CAMTA1: variants seen among roughly 807,000 people sequenced by gnomAD.
CAMTA1 encodes calmodulin binding transcription activator 1.
In CAMTA1, 27 loss-of-function variants were observed where a neutral mutation model predicts 170.9. The ratio of observed to expected loss-of-function variants is 0.16; its 90% CI spans 0.12 to 0.22. The LOEUF (loss-of-function observed/expected upper bound fraction) is 0.22, where lower values mean the gene tolerates loss of function less well. CAMTA1 is among the 10% of genes least tolerant of loss of function. CAMTA1 has a pLI of 1.00. For missense variants in CAMTA1, 1,619 were observed against 2,217.2 expected (o/e 0.73, Z 5.42); for synonymous variants, 833 against 891.5 (o/e 0.93, Z 1.17).
At chr1:7,266,261 C>T (rs1668912316) in intron 5 of CAMTA1, among the ~76,000 whole-genome samples, 1 of 152,154 alleles carries the variant, frequency 6.6e-6, no homozygotes, top group Non-Finnish European at 1.5e-5. Flanking sequence ...TGGCCATGTG[C>T]CAGGGTGCCT....
intron 6 of CAMTA1, among the ~76,000 whole-genome samples, chr1:7,637,699 C>T (rs2095724386): frequency 6.6e-6 from 1 of 152,202 alleles, no homozygotes; most frequent in Non-Finnish European, 1.5e-5. Flanking sequence ...CAGCTTCCAG[C>T]TCAGGCTGTG....
chr1:7,451,150 G>C (rs1172823332), intron 5 of CAMTA1, among the ~76,000 whole-genome samples: 1 of 152,170 alleles, frequency 6.6e-6, no homozygotes, highest in African/African-American at 2.4e-5. Context: ...TTAAAGCACT[G>C]AGCCAGCCCC....
chr1:7,017,006 C>T (rs1373140858), intron 3 of CAMTA1, among the ~76,000 whole-genome samples: 1 of 152,192 alleles, frequency 6.6e-6, no homozygotes, highest in Non-Finnish European at 1.5e-5. Context: ...TAAGTATTTC[C>T]CTGGCCATGT....
intron 3 of CAMTA1, among the ~76,000 whole-genome samples, chr1:7,016,037 T>A (rs1700483285): frequency 6.6e-6 from 1 of 152,192 alleles, no homozygotes; most frequent in Non-Finnish European, 1.5e-5. Context: ...CCTCCAACAT[T>A]GGGGATTACA....
In CAMTA1 at chr1:7,234,453, C is replaced by A. The variant is rs1291796746; in HGVS notation, c.303-15038C>A. 6.6e-6 allele frequency among the ~76,000 whole-genome samples: 1 copy of A among 152,222 alleles called. No homozygotes were observed. The highest frequency in any genetic ancestry group is 2.4e-5 in the African/African-American group (1 of 41,472). On this transcript the variant is annotated intron_variant, in intron 4 of 22. Coordinates refer to ENST00000303635, the MANE Select transcript of CAMTA1 (RefSeq NM_015215.4). This position sits in a 1 kb window ranked among gnomAD's most constrained non-coding sequence, Gnocchi z 5.0. ...GGCCTGCCCAGGGCGGGCCTCTGTG[C>A]GTCATTGTTCTTCCTCCCTACCGGA... is the stretch of plus-strand genomic sequence containing the variant.
intron 11 of CAMTA1, chr1:7,693,402 T>C (rs1237107268): frequency 6.6e-6 from 1 of 152,168 alleles, no homozygotes; most frequent in Non-Finnish European, 1.5e-5. Context: ...AAGATGAGAT[T>C]TGGGTGGGGA....
intron 11 of CAMTA1, among the ~76,000 whole-genome samples, chr1:7,712,795 C>G (rs2096580784): frequency 6.6e-6 from 1 of 152,030 alleles, no homozygotes; most frequent in Non-Finnish European, 1.5e-5. Flanking sequence ...TTCCACATAG[C>G]TGGGGTGGCC....
intron 3 of CAMTA1, among the ~76,000 whole-genome samples, chr1:6,967,130 G>T (rs1691694323): frequency 1.3e-5 from 2 of 151,800 alleles, no homozygotes; most frequent in Non-Finnish European, 2.9e-5. Context: ...AGTCCCAGCT[G>T]CTTGGGAAGC....
Position 7,661,601 on chromosome 1 carries a change from A to G in CAMTA1, c.665-125A>G. 4.5e-6 allele frequency: 5 copies of G among 1,112,470 alleles called. No individual in the cohort carries two copies. The South Asian group carries it at 7.3e-5, about 16-fold the overall frequency. 68.9% of individuals were successfully genotyped at this position (1,112,470 alleles called of 1,614,324 possible). On this transcript the variant is annotated intron_variant, in intron 7 of 22. Coordinates refer to ENST00000303635, the MANE Select transcript of CAMTA1 (RefSeq NM_015215.4). Reference sequence around the variant, plus strand: ...CCTCCCCTACTCATCAATTCGCCCCAGGAGCCAGCTCCCCAGCAGTGAGAG... The same window carrying G: ...CCTCCCCTACTCATCAATTCGCCCCGGGAGCCAGCTCCCCAGCAGTGAGAG...
At chr1:6,890,340 A>T (rs1304379763) in intron 3 of CAMTA1, among the ~76,000 whole-genome samples, 5 of 152,226 alleles carry the variant, frequency 3.3e-5, no homozygotes, top group Non-Finnish European at 2.9e-5. Flanking sequence ...ATTTCCCATG[A>T]GGAACCAGGA....
Position 7,007,708 on chromosome 1 carries a change from C to T in CAMTA1, c.235-83596C>T, listed in dbSNP as rs953771344. 6.6e-6 allele frequency among the ~76,000 whole-genome samples: 1 copy of T among 152,148 alleles called. No individual in the cohort carries two copies. Among genetic ancestry groups the T allele is most frequent in the Admixed American group, 6.5e-5 (1 of 15,268 alleles). On this transcript the variant is annotated intron_variant, in intron 3 of 22. Coordinates refer to ENST00000303635, the MANE Select transcript of CAMTA1 (RefSeq NM_015215.4). The surrounding 1 kb of genome is among the most constrained non-coding windows in gnomAD (Gnocchi z 4.5). ...TTCTGAAAGGACCCCCTGTGGGGCTCCCGGGGCGTCGCTTCTGCCTCTTCC... is the reference window on the plus strand; with the variant it reads ...TTCTGAAAGGACCCCCTGTGGGGCTTCCGGGGCGTCGCTTCTGCCTCTTCC...
chr1:7,508,713 G>A (rs2094157124), intron 6 of CAMTA1, among the ~76,000 whole-genome samples: 1 of 151,994 alleles, frequency 6.6e-6, no homozygotes, highest in Non-Finnish European at 1.5e-5. Flanking sequence ...AGGTTAGGAA[G>A]GTTGGAAGGG....
intron 6 of CAMTA1, among the ~76,000 whole-genome samples, chr1:7,584,067 C>G (rs2095286392): frequency 6.6e-6 from 1 of 152,122 alleles, no homozygotes; most frequent in Non-Finnish European, 1.5e-5. Context: ...GGTGGGGACT[C>G]TGCTAGAGGA....
At chr1:7,706,428 C>G (rs1311183867) in intron 11 of CAMTA1, among the ~76,000 whole-genome samples, 1 of 152,198 alleles carries the variant, frequency 6.6e-6, no homozygotes, top group East Asian at 1.9e-4. Flanking sequence ...CCTTGAGGAA[C>G]TGAAGTGTTC....
intron 4 of CAMTA1, among the ~76,000 whole-genome samples, chr1:7,198,610 C>T (rs937562943): frequency 6.6e-6 from 1 of 152,080 alleles, no homozygotes; most frequent in African/African-American, 2.4e-5. Flanking sequence ...ACCCCCTTGG[C>T]CACGCTGCGC....
chr1:7,204,833 T>A (rs1657411775), intron 4 of CAMTA1, among the ~76,000 whole-genome samples: 1 of 28,812 alleles, frequency 3.5e-5, no homozygotes. Context: ...TTTTTTTCTT[T>A]TTTTTTTTTT....
chr1:7,680,205 G>A lies in CAMTA1; in HGVS notation c.2914+2472G>A. On this transcript the variant is annotated intron_variant, in intron 11 of 22. Transcript: ENST00000303635. This position sits in a 1 kb window ranked among gnomAD's most constrained non-coding sequence, Gnocchi z 4.4. ...TTGCGTCCGGGCCAATGCTGCAGTG[G>A]CCGGGCGGTGGTGAGCCTTCCGTTC... 2 of 281,662 alleles carry A rather than the reference G, an allele frequency of 7.1e-6. No individual in the cohort carries two copies. Among genetic ancestry groups the A allele is most frequent in the Non-Finnish European group, 7.7e-6 (1 of 129,892 alleles). 17.4% of individuals were successfully genotyped at this position (281,662 alleles called of 1,614,324 possible).
chr1:6,987,502 T>C (rs987658320), intron 3 of CAMTA1, among the ~76,000 whole-genome samples: 1 of 152,154 alleles, frequency 6.6e-6, no homozygotes, highest in Non-Finnish European at 1.5e-5. Flanking sequence ...GGCTCTGGCA[T>C]TGCTATTATT....
At chr1:7,102,929 C>CTT (rs1642914558) in intron 4 of CAMTA1, among the ~76,000 whole-genome samples, 1 of 152,186 alleles carries the variant, frequency 6.6e-6, no homozygotes, top group East Asian at 1.9e-4. Flanking sequence ...CGGTGAATAC[C>CTT]TTCCGACTGC....
Sources: allele counts gnomAD v4.1 joint callset (sites outside exome capture counted in the v4.1 genomes callset), GRCh38; gene constraint gnomAD v4.1.1; non-coding constraint Gnocchi (gnomAD v3.1); transcripts MANE v1.5; gene names NCBI Gene and HGNC (gene_info 2026-07-23, HGNC 2026-07-21).